IGSF9B: variants seen among roughly 807,000 people sequenced by gnomAD.
IGSF9B encodes protein turtle homolog B.
In IGSF9B, 48 loss-of-function variants were observed where a neutral mutation model predicts 143.7. The observed-to-expected ratio is 0.33, with a 90% CI of 0.26 to 0.42. The LOEUF is 0.42. Ranked by LOEUF, IGSF9B falls within the 20% of genes least tolerant of loss-of-function variation. The pLI, the probability that IGSF9B is intolerant of heterozygous loss-of-function variation, is 1.00. For synonymous variants in IGSF9B, 903 were observed against 833.1 expected (o/e 1.08, Z -1.44); for missense variants, 1,706 against 1,980.0 (o/e 0.86, Z 2.63).
At chr11:133,932,350 A>C (rs1447890195) in intron 7 of IGSF9B, 137 bp from the exon 8 acceptor site, 1 of 896,372 alleles carries the variant, frequency 1.1e-6, no homozygotes, top group South Asian at 1.6e-5. Flanking sequence ...ACAGACAGAC[A>C]GACACAGGGA....
At chr11:133,922,531 C>A in intron 16 of IGSF9B, 38 bp downstream of exon 16, 1 of 1,584,574 alleles carries the variant, frequency 6.3e-7, no homozygotes, top group Non-Finnish European at 8.6e-7. Flanking sequence ...CATTTGAAAC[C>A]GGGCCAGGGA....
At chr11:133,921,429 G>A (rs1939536600) in intron 17 of IGSF9B, 32 bp from the exon 18 acceptor site, 1 of 1,440,798 alleles carries the variant, frequency 6.9e-7, no homozygotes. Context: ...GGGAGGGGAT[G>A]AGGTGGGGCA....
In IGSF9B at chr11:133,919,969, C is replaced by G. The variant is rs765635856; in HGVS notation, c.3756G>C (p.Thr1252=). 5.7e-6 allele frequency: 9 copies of G among 1,569,810 alleles called. No homozygotes were observed. The highest frequency in any genetic ancestry group is 1.4e-5 in the African/African-American group (1 of 73,060). ...PAAVSFSRKS[T]PSTGSPSQSS... ...TCTGGGAGGGGGAGCCTGTGGACGG[C>G]GTAGACTTTCGAGAAAAGCTGACTG... is the stretch of plus-strand genomic sequence containing the variant. Residue 1252 remains threonine, a synonymous_variant, in exon 18 of 20, where the codon ACG becomes ACC. Transcript: ENST00000533871.
In IGSF9B at chr11:133,920,855, G is replaced by A. The variant is rs546570473; in HGVS notation, c.2870C>T (p.Ala957Val). The A allele has an allele frequency of 1.1e-5, 17 of 1,601,256 alleles. No homozygotes were observed. The highest frequency in any genetic ancestry group is 1.4e-5 in the Non-Finnish European group (16 of 1,173,348). ...CTGGCCATGGTGGAAGGGCCGGGGG[G>A]CAGGGGGCCGGGCCTGGCCTGTGGC... ...LQATGQARPP[A>V]PRPFHHGQYY... Residue 957 changes from alanine to valine, a missense_variant, in exon 18 of 20, where the codon GCC becomes GTC. Coordinates refer to ENST00000533871, the MANE Select transcript of IGSF9B (RefSeq NM_001277285.4).
chr11:133,955,944 G>C (rs1414756745), intron 1 of IGSF9B, among the ~76,000 whole-genome samples: 1 of 151,984 alleles, frequency 6.6e-6, no homozygotes, highest in African/African-American at 2.4e-5. Flanking sequence ...CTCGCAGCCT[G>C]GGGAGGGCGG....
intron 12 of IGSF9B, among the ~76,000 whole-genome samples, chr11:133,929,307 C>G (rs2121306583): frequency 6.6e-6 from 1 of 152,344 alleles, no homozygotes; most frequent in Non-Finnish European, 1.5e-5. Flanking sequence ...AAACTAGACT[C>G]TACACTTAAG....
chr11:133,916,364 G>A (rs764267741), intron 18 of IGSF9B, among the ~76,000 whole-genome samples: 19 of 152,186 alleles, frequency 1.2e-4, no homozygotes, highest in Non-Finnish European at 2.1e-4. Context: ...CAGTGAGAAC[G>A]CACGTGGACA....
Position 133,905,038 on chromosome 11 carries a change from C to A in IGSF9B, c.*4031G>T, listed in dbSNP as rs1483105927. Among the ~76,000 whole-genome samples, 2 of 151,266 alleles carry A rather than the reference C, an allele frequency of 1.3e-5. No homozygotes were observed. Among genetic ancestry groups the A allele is most frequent in the African/African-American group, 4.9e-5 (2 of 41,062 alleles). On this transcript the variant is annotated 3_prime_UTR_variant, in exon 20 of 20. Transcript: ENST00000533871. This position sits in a 1 kb window ranked among gnomAD's most constrained non-coding sequence, Gnocchi z 4.0. ...AATGTGCACAGCTCCTAGAGTACCA[C>A]AGAGGCTGGACTCAACAGAGCCTTC...
intron 1 of IGSF9B, among the ~76,000 whole-genome samples, chr11:133,956,392 C>T (rs1012004837): frequency 2.6e-5 from 4 of 151,878 alleles, no homozygotes; most frequent in African/African-American, 9.7e-5. Flanking sequence ...CCGGTGTGCA[C>T]CGTGGGGCCC....
chr11:133,929,580 A>T, intron 12 of IGSF9B, 91 bp downstream of exon 12: 1 of 912,406 alleles, frequency 1.1e-6, no homozygotes, highest in Non-Finnish European at 1.8e-6. Flanking sequence ...GCCTCCTCCT[A>T]CCTCCCCCCA....
chr11:133,925,324 T>C (rs329668), intron 14 of IGSF9B, among the ~76,000 whole-genome samples: 123,074 of 152,186 alleles, frequency 0.81, 50,195 homozygotes, highest in Middle Eastern at 0.88. Flanking sequence ...ATGCACTTTC[T>C]TCCAGGAGCT....
At chr11:133,917,810 G>A (rs1429182027) in intron 18 of IGSF9B, among the ~76,000 whole-genome samples, 5 of 152,118 alleles carry the variant, frequency 3.3e-5, no homozygotes, top group Admixed American at 2.6e-4. Flanking sequence ...GCTATGCCTG[G>A]GGCTGCTGGG....
chr11:133,925,604 G>C, intron 14 of IGSF9B, 135 bp downstream of exon 14: 2 of 679,596 alleles, frequency 2.9e-6, no homozygotes, highest in Non-Finnish European at 5.2e-6. Flanking sequence ...GAGAATCCAG[G>C]ACCAGTGGTG....
In IGSF9B at chr11:133,908,836, G is replaced by GTA; in HGVS notation, c.*232_*233insTA. On this transcript the variant is annotated 3_prime_UTR_variant, in exon 20 of 20. Transcript: ENST00000533871. Reference sequence around the variant, plus strand: ...GAGGGGAGGAGACAGGTGTTGCCCAGTCTCCAATCCACTTCCTGACCTCGA... The same window carrying GTA: ...GAGGGGAGGAGACAGGTGTTGCCCAGTATCTCCAATCCACTTCCTGACCTCGA... 9.7e-6 allele frequency: 5 copies of GTA among 515,184 alleles called. No individual in the cohort carries two copies. Among genetic ancestry groups the GTA allele is most frequent in the Admixed American group, 3.4e-5 (1 of 29,518 alleles). 31.9% of individuals were successfully genotyped at this position (515,184 alleles called of 1,614,324 possible). A position where few individuals can be genotyped will look rare whatever the true frequency, so the allele number is the denominator to read the frequency against.
In IGSF9B at chr11:133,908,939, A is replaced by T. The variant is rs1939256052; in HGVS notation, c.*130T>A. The T allele has an allele frequency of 1.3e-6, 1 of 777,250 alleles. No individual in the cohort carries two copies. Among genetic ancestry groups the T allele is most frequent in the Non-Finnish European group, 2.0e-6 (1 of 490,804 alleles). 48.1% of individuals were successfully genotyped at this position (777,250 alleles called of 1,614,324 possible). A position where few individuals can be genotyped will look rare whatever the true frequency, so the allele number is the denominator to read the frequency against. ...TCTGGAGGGAGACACCCGCTCTGGC[A>T]AAAGAGGGGGCATGCAGGACAAAGG... On this transcript the variant is annotated 3_prime_UTR_variant, in exon 20 of 20. Transcript: ENST00000533871.
chr11:133,941,169 G>A (rs572812711), intron 3 of IGSF9B, among the ~76,000 whole-genome samples: 11 of 152,278 alleles, frequency 7.2e-5, no homozygotes, highest in African/African-American at 1.9e-4. Flanking sequence ...AATTATTTAC[G>A]GAACTAGATG....
chr11:133,929,130 G>C (rs1187215672), intron 12 of IGSF9B, among the ~76,000 whole-genome samples: 1 of 152,148 alleles, frequency 6.6e-6, no homozygotes, highest in Non-Finnish European at 1.5e-5. Context: ...TGGATTGTTG[G>C]AACACAAAGG....
In IGSF9B at chr11:133,908,905, C is replaced by T. The variant is rs1011784058; in HGVS notation, c.*164G>A. ...GCCCACCCTCCGTCCTGAAGACAGGCGGCCAGGATCTGGAGGGAGACACCC... is the reference window on the plus strand; with the variant it reads ...GCCCACCCTCCGTCCTGAAGACAGGTGGCCAGGATCTGGAGGGAGACACCC... On this transcript the variant is annotated 3_prime_UTR_variant, in exon 20 of 20. Coordinates refer to ENST00000533871, the MANE Select transcript of IGSF9B (RefSeq NM_001277285.4). 11 of 625,666 alleles carry T rather than the reference C, an allele frequency of 1.8e-5. No individual in the cohort carries two copies. Among genetic ancestry groups the T allele is most frequent in the South Asian group, 4.0e-5 (2 of 49,812 alleles). The allele number at this position is 625,666 out of a possible 1,614,324, so 38.8% of individuals were successfully genotyped here.
At chr11:133,925,499 G>A (rs1229387585) in intron 14 of IGSF9B, among the ~76,000 whole-genome samples, 2 of 152,176 alleles carry the variant, frequency 1.3e-5, no homozygotes, top group Non-Finnish European at 2.9e-5. Context: ...GCGGTGCCGG[G>A]ACCCTCAGTA....
Sources: allele counts gnomAD v4.1 joint callset (sites outside exome capture counted in the v4.1 genomes callset), GRCh38; gene constraint gnomAD v4.1.1; non-coding constraint Gnocchi (gnomAD v3.1); transcripts MANE v1.5; gene names NCBI Gene and HGNC (gene_info 2026-07-23, HGNC 2026-07-21).